Variants in KCNJ16 observed in about 807,000 individuals in gnomAD.
KCNJ16 encodes the protein potassium inwardly rectifying channel subfamily J member 16, also known as inward rectifier potassium channel 16.
KCNJ16 carries 15 observed loss-of-function variants against 18.5 expected under a neutral mutation model. That is an observed-to-expected ratio of 0.81 (90% confidence interval 0.54 to 1.25). The LOEUF (loss-of-function observed/expected upper bound fraction) is 1.25. KCNJ16 is among the 50% of genes most tolerant of loss of function. KCNJ16 has a pLI of 0.00. For missense variants in KCNJ16, 523 were observed against 525.7 expected (o/e 0.99, Z 0.05); for synonymous variants, 174 against 186.5 (o/e 0.93, Z 0.55).
chr17:70,115,392 A>G (rs528788066), intron 2 of KCNJ16, among the ~76,000 whole-genome samples: 1 of 152,096 alleles, frequency 6.6e-6, no homozygotes, highest in South Asian at 2.1e-4. Flanking sequence ...ATGAATACAT[A>G]ATTGCCCTCC....
At chr17:70,086,883 A>T (rs904481815) in intron 1 of KCNJ16, among the ~76,000 whole-genome samples, 1 of 152,006 alleles carries the variant, frequency 6.6e-6, no homozygotes, top group Non-Finnish European at 1.5e-5. Context: ...CTTTTACATC[A>T]ATTGTCACAT....
At chr17:70,103,489 C>T (rs542320881) in intron 2 of KCNJ16, among the ~76,000 whole-genome samples, 132 of 151,784 alleles carry the variant, frequency 8.7e-4, no homozygotes, top group South Asian at 6.5e-3. Flanking sequence ...GCTTGTAACA[C>T]TTTCTTTACT....
chr17:70,092,539 T>C (rs1309592053), intron 1 of KCNJ16, among the ~76,000 whole-genome samples: 54 of 106,134 alleles, frequency 5.1e-4, no homozygotes, highest in African/African-American at 1.8e-3. Context: ...GACAGATAGA[T>C]ATAGATAGAT....
chr17:70,094,533 T>C (rs8069797), intron 1 of KCNJ16, among the ~76,000 whole-genome samples: 128,954 of 151,996 alleles, frequency 0.85, 54,774 homozygotes, highest in East Asian at 0.96. Flanking sequence ...CTACAGAGAT[T>C]ATCTAGAATG....
Position 70,132,862 on chromosome 17 carries a change from C to T in KCNJ16, c.775C>T (p.His259Tyr), listed in dbSNP as rs377364884. Residue 259 changes from histidine to tyrosine, a missense_variant, in exon 4 of 4, where the codon CAT becomes TAT. His to Tyr is a moderately conservative substitution (Grantham distance 83, BLOSUM62 2). Transcript: ENST00000392671. ...GGTAACTATTGTCCATGAAATTGACCATGAGAGCCCTCTGTATGCCCTTGA... is the reference window on the plus strand; with the variant it reads ...GGTAACTATTGTCCATGAAATTGACTATGAGAGCCCTCTGTATGCCCTTGA... ...TPVTIVHEID[H>Y]ESPLYALDRK... 1.2e-6 allele frequency: 2 copies of T among 1,613,920 alleles called. No individual in the cohort carries two copies. The highest frequency in any genetic ancestry group is 2.7e-5 in the African/African-American group (2 of 74,904).
intron 2 of KCNJ16, among the ~76,000 whole-genome samples, chr17:70,123,328 GA>G (rs1448530635): frequency 2.0e-5 from 3 of 152,212 alleles, no homozygotes; most frequent in Non-Finnish European, 4.4e-5. Context: ...GATTTGAGCA[GA>G]AACGAGAGGC....
chr17:70,086,580 T>C (rs1447794095), intron 1 of KCNJ16, among the ~76,000 whole-genome samples: 1 of 152,334 alleles, frequency 6.6e-6, no homozygotes, highest in Admixed American at 6.5e-5. Context: ...AGAATGCCTC[T>C]TGAAGAAATA....
rs749503072 is a variant in KCNJ16 at position 70,132,397 on chromosome 17, A to C, written c.310A>C (p.Asn104His). Residue 104 changes from asparagine (N) to histidine (H), a missense_variant, in exon 4 of 4, where the codon AAT (asparagine) becomes CAT (histidine). Physicochemically the swap from Asn to His is moderately conservative, Grantham distance 68. Transcript: ENST00000392671. ...LIAFHHGDLLNDPDITPCVDN... is the reference protein window; with the variant it reads ...LIAFHHGDLLHDPDITPCVDN... ...AGCCTTTCATCATGGCGATCTATTA[A>C]ATGATCCAGACATCACACCTTGTGT... The C allele has an allele frequency of 6.2e-7, 1 of 1,614,138 alleles. No homozygotes were observed.
intron 2 of KCNJ16, among the ~76,000 whole-genome samples, chr17:70,121,886 T>A (rs770130858): frequency 6.6e-6 from 1 of 152,136 alleles, no homozygotes; most frequent in South Asian, 2.1e-4. Flanking sequence ...TTGAATCTGT[T>A]AGGCAGAGGT....
At chr17:70,082,989 C>T (rs577395460) in intron 1 of KCNJ16, among the ~76,000 whole-genome samples, 90 of 151,994 alleles carry the variant, frequency 5.9e-4, no homozygotes, top group African/African-American at 2.1e-3. Context: ...TTACACGTTC[C>T]CTCAACAAAC....
Position 70,093,678 on chromosome 17 carries a change from G to A in KCNJ16, c.-299-6980G>A, listed in dbSNP as rs370715820. On this transcript the variant is annotated intron_variant, in intron 1 of 3. Coordinates refer to ENST00000392671, the MANE Select transcript of KCNJ16 (RefSeq NM_170741.4). ...CCTTATAAAAGGGTAGAGAAACATA[G>A]TGAAATGAAGGAGGGCTTTGTTTTC... Among the ~76,000 whole-genome samples, 368 of 152,276 alleles carry A rather than the reference G, an allele frequency of 2.4e-3. 1 individual carries two copies. Among genetic ancestry groups the A allele is most frequent in the Non-Finnish European group, 4.1e-3 (276 of 68,018 alleles).
intron 1 of KCNJ16, among the ~76,000 whole-genome samples, chr17:70,089,893 AACTGCTTCCACC>A (rs1180249718): frequency 4.9e-4 from 75 of 152,346 alleles, no homozygotes; most frequent in Non-Finnish European, 1.0e-3. Flanking sequence ...CCGTGGTAAT[AACTGCTTCCACC>A]ACTGCAGGTC....
intron 2 of KCNJ16, among the ~76,000 whole-genome samples, chr17:70,106,190 C>T (rs9890060): frequency 0.69 from 104,751 of 152,008 alleles, 36,987 homozygotes; most frequent in African/African-American, 0.85. Flanking sequence ...TGATCTGTCT[C>T]GTTGGCCTGA....
intron 1 of KCNJ16, among the ~76,000 whole-genome samples, chr17:70,084,853 C>T (rs369541264): frequency 6.6e-6 from 1 of 151,970 alleles, no homozygotes; most frequent in African/African-American, 2.4e-5. Context: ...AAAATTAAAC[C>T]CTCAAATGTT....
intron 1 of KCNJ16, among the ~76,000 whole-genome samples, chr17:70,092,326 A>C (rs1468197395): frequency 1.3e-5 from 2 of 152,166 alleles, no homozygotes; most frequent in Non-Finnish European, 2.9e-5. Context: ...TAAGATTTTT[A>C]TCACTTCCTG....
chr17:70,121,789 C>T (rs539338731), intron 2 of KCNJ16, among the ~76,000 whole-genome samples: 45 of 151,932 alleles, frequency 3.0e-4, no homozygotes, highest in African/African-American at 1.1e-3. Context: ...AGACATTTCT[C>T]TACTGAAAAA....
At chr17:70,085,396 A>C (rs551482913) in intron 1 of KCNJ16, among the ~76,000 whole-genome samples, 1 of 152,334 alleles carries the variant, frequency 6.6e-6, no homozygotes, top group African/African-American at 2.4e-5. Context: ...GGATGTTCTG[A>C]TGTCACACAG....
chr17:70,132,434 A>G lies in KCNJ16; in HGVS notation c.347A>G (p.His116Arg), dbSNP rs2074090571. The G allele has an allele frequency of 1.9e-6, 3 of 1,614,188 alleles. No individual in the cohort carries two copies. Among genetic ancestry groups the G allele is most frequent in the Non-Finnish European group, 2.5e-6 (3 of 1,180,020 alleles). ...ATCACACCTTGTGTTGACAACGTCC[A>G]TTCTTTCACAGGGGCCTTTTTGTTC... ...PDITPCVDNV[H>R]SFTGAFLFSL... Residue 116 changes from histidine (H) to arginine (R), a missense_variant, in exon 4 of 4, where the codon CAT becomes CGT. Coordinates refer to ENST00000392671, the MANE Select transcript of KCNJ16 (RefSeq NM_170741.4).
At chr17:70,103,303 T>C (rs1567789379) in intron 2 of KCNJ16, among the ~76,000 whole-genome samples, 15 of 18,832 alleles carry the variant, frequency 8.0e-4, no homozygotes, top group East Asian at 7.4e-3. Context: ...TGTGTATATA[T>C]ATATATATAT....
Sources: gnomAD v4.1 joint callset for allele counts (sites outside exome capture counted in the v4.1 genomes callset) on GRCh38, gnomAD v4.1.1 for gene constraint, MANE v1.5 for transcripts, NCBI Gene and HGNC (gene_info 2026-07-23, HGNC 2026-07-21) for gene names.